TAFA1: variants seen among roughly 807,000 people sequenced by gnomAD.
TAFA1 encodes the protein chemokine-like protein TAFA-1.
In TAFA1, 4 loss-of-function variants were observed where a neutral mutation model predicts 18.5. That is an observed-to-expected ratio of 0.22 (90% CI 0.11 to 0.49). The LOEUF is 0.49. TAFA1 is among the 20% of genes least tolerant of loss of function. The pLI, the probability that TAFA1 is intolerant of heterozygous loss-of-function variation, is 0.98. For missense variants in TAFA1, 147 were observed against 169.0 expected (o/e 0.87, Z 0.72); for synonymous variants, 56 against 55.2 (o/e 1.01, Z -0.06).
intron 2 of TAFA1, among the ~76,000 whole-genome samples, chr3:68,011,939 A>G (rs1049871396): frequency 2.0e-5 from 3 of 152,094 alleles, no homozygotes; most frequent in Non-Finnish European, 4.4e-5. Context: ...TGCTATAAAA[A>G]CTCTTACTTA....
At chr3:68,202,846 T>C (rs1392882599) in intron 2 of TAFA1, among the ~76,000 whole-genome samples, 2 of 151,714 alleles carry the variant, frequency 1.3e-5, no homozygotes, top group African/African-American at 2.4e-5. Context: ...GTTAAATCAA[T>C]GAAGAATAAA....
intron 2 of TAFA1, among the ~76,000 whole-genome samples, chr3:68,104,457 A>G (rs2065182844): frequency 6.6e-6 from 1 of 152,048 alleles, no homozygotes; most frequent in African/African-American, 2.4e-5. Flanking sequence ...TGTGGTTAAA[A>G]ATATCACATT....
rs547775011 is a variant in TAFA1, at chr3:68,404,565, C to T, written c.119-12715C>T. Among the ~76,000 whole-genome samples the T allele has an allele frequency of 5.9e-5, 9 of 151,992 alleles. No individual in the cohort carries two copies. The South Asian group carries it at 6.2e-4, about 11-fold the overall frequency. On this transcript the variant is annotated intron_variant, in intron 2 of 4. Transcript: ENST00000478136. ...CTATAATCTCAGCACTTTGGGAGGC[C>T]GAAGTGGGCAGATCATGAGGTCAGG...
intron 2 of TAFA1, among the ~76,000 whole-genome samples, chr3:68,152,627 G>T (rs1575647909): frequency 1.3e-5 from 2 of 152,060 alleles, no homozygotes; most frequent in East Asian, 3.9e-4. Context: ...TTAAAATACA[G>T]CTAGATCTAG....
At chr3:68,026,822 G>C (rs1289524760) in intron 2 of TAFA1, among the ~76,000 whole-genome samples, 2 of 152,132 alleles carry the variant, frequency 1.3e-5, no homozygotes, top group Non-Finnish European at 2.9e-5. Flanking sequence ...ATTCATTCTT[G>C]CATTGCTATA....
At chr3:68,396,514 C>T (rs865800672) in intron 2 of TAFA1, among the ~76,000 whole-genome samples, 1 of 152,314 alleles carries the variant, frequency 6.6e-6, no homozygotes. Context: ...TGGTGACTGG[C>T]TGCTTTCATT....
intron 2 of TAFA1, among the ~76,000 whole-genome samples, chr3:68,226,243 A>G (rs531736204): frequency 2.4e-4 from 36 of 152,314 alleles, no homozygotes; most frequent in African/African-American, 8.4e-4. Context: ...TGCCAATGCT[A>G]TTCACTCATG....
At chr3:68,226,914 A>G (rs975661032) in intron 2 of TAFA1, among the ~76,000 whole-genome samples, 2 of 152,192 alleles carry the variant, frequency 1.3e-5, no homozygotes, top group Non-Finnish European at 2.9e-5. Context: ...GCAACCAGCA[A>G]TGAGCGCCAC....
intron 4 of TAFA1, among the ~76,000 whole-genome samples, chr3:68,541,478 C>G (rs1434618626): frequency 6.6e-6 from 1 of 152,084 alleles, no homozygotes; most frequent in African/African-American, 2.4e-5. Context: ...TGCTTACTCA[C>G]TTCAAATATT....
At chr3:68,416,678 A>G (rs543277493) in intron 2 of TAFA1, among the ~76,000 whole-genome samples, 1 of 152,328 alleles carries the variant, frequency 6.6e-6, no homozygotes, top group East Asian at 1.9e-4. Context: ...CAATTAAGTC[A>G]AGCTATATGA....
intron 2 of TAFA1, among the ~76,000 whole-genome samples, chr3:68,024,980 G>A (rs1000051093): frequency 3.9e-5 from 6 of 152,128 alleles, no homozygotes; most frequent in Admixed American, 6.6e-5. Flanking sequence ...TCACTGGTTG[G>A]ATTTTCTCCC....
intron 2 of TAFA1, among the ~76,000 whole-genome samples, chr3:68,372,387 G>A (rs779065331): frequency 1.3e-5 from 2 of 152,170 alleles, no homozygotes; most frequent in Non-Finnish European, 2.9e-5. Context: ...TGTTGTGGAC[G>A]TGGATCCAGA....
chr3:68,088,114 C>T (rs950197607), intron 2 of TAFA1, among the ~76,000 whole-genome samples: 1 of 152,158 alleles, frequency 6.6e-6, no homozygotes, highest in Admixed American at 6.6e-5. Flanking sequence ...GTTAACACAG[C>T]TGGCTATTAC....
At chr3:68,400,934 T>C (rs760696815) in intron 2 of TAFA1, among the ~76,000 whole-genome samples, 8 of 152,250 alleles carry the variant, frequency 5.3e-5, no homozygotes, top group Admixed American at 3.9e-4. Flanking sequence ...AGAAAAATAT[T>C]TTTGAATGTG....
At position 68,354,273 on chromosome 3, in the gene TAFA1, G is replaced by T. The variant is rs2069323783; in HGVS notation, c.119-63007G>T. 2.0e-5 allele frequency among the ~76,000 whole-genome samples: 3 copies of T among 152,026 alleles called. No individual in the cohort carries two copies. In the South Asian group the frequency reaches 6.2e-4, roughly 32 times the overall value. ...AAGTGAAATATTTCACATAAAAGAT[G>T]TGGATTTCACACTTCCTTTGAAAGC... On this transcript the variant is annotated intron_variant, in intron 2 of 4. Coordinates refer to ENST00000478136, the MANE Select transcript of TAFA1 (RefSeq NM_213609.4).
chr3:68,106,543 G>A (rs143385473), intron 2 of TAFA1, among the ~76,000 whole-genome samples: 103 of 152,154 alleles, frequency 6.8e-4, no homozygotes, highest in African/African-American at 2.2e-3. Context: ...GTAAGGCAAC[G>A]ATTTCTTAGG....
intron 2 of TAFA1, among the ~76,000 whole-genome samples, chr3:68,297,823 A>T (rs2068237568): frequency 6.6e-6 from 1 of 151,360 alleles, no homozygotes; most frequent in South Asian, 2.1e-4. Flanking sequence ...TCCTTGTGAA[A>T]TTTTCTTTGT....
intron 2 of TAFA1, among the ~76,000 whole-genome samples, chr3:68,167,747 C>T (rs1450843476): frequency 6.6e-6 from 1 of 152,034 alleles, no homozygotes; most frequent in Non-Finnish European, 1.5e-5. Context: ...CAAAGAACAC[C>T]TAACACAGGT....
chr3:68,173,903 T>TAA (rs11373079), intron 2 of TAFA1, among the ~76,000 whole-genome samples: 22 of 151,932 alleles, frequency 1.4e-4, no homozygotes, highest in East Asian at 3.9e-4. Flanking sequence ...GATATTTAAT[T>TAA]AAAAAAATAT....
Sources: allele counts gnomAD v4.1 joint callset (sites outside exome capture counted in the v4.1 genomes callset), GRCh38; gene constraint gnomAD v4.1.1; transcripts MANE v1.5; gene names NCBI Gene and HGNC (gene_info 2026-07-23, HGNC 2026-07-21).